Variants in CDH26 observed in about 807,000 individuals in gnomAD.
CDH26 encodes the protein cadherin-like protein 26.
CDH26 carries 83 observed loss-of-function variants against 90.3 expected under a neutral mutation model. That is an observed-to-expected ratio of 0.92 (90% confidence interval 0.77 to 1.10). The LOEUF (loss-of-function observed/expected upper bound fraction) is 1.10, where lower values mean the gene tolerates loss of function less well. Ranked by LOEUF, CDH26 falls within the 50% of genes least tolerant of loss-of-function variation. CDH26 has a pLI of 0.00. For synonymous variants in CDH26, 397 were observed against 396.3 expected (o/e 1.00, Z -0.02); for missense variants, 1,013 against 1,037.6 (o/e 0.98, Z 0.33).
At chr20:60,019,027 G>A (rs897674627), downstream of CDH26, among the ~76,000 whole-genome samples, 33 of 151,990 alleles carry the variant, frequency 2.2e-4, no homozygotes, top group Admixed American at 1.6e-3. Context: ...ACAGTACTTC[G>A]AATATATCAT....
In CDH26 at chr20:59,996,612, C is replaced by G; in HGVS notation, c.1889-19C>G. On this transcript the variant is annotated intron_variant, in intron 12 of 17. Transcript: ENST00000348616. ...GGGTGAGCTTGTCTAATCTGTTTTT[C>G]CCCTTTGTCTTATAACAGTGGCTCT... 2.5e-6 allele frequency: 4 copies of G among 1,614,186 alleles called. No individual in the cohort carries two copies. The highest frequency in any genetic ancestry group is 3.4e-6 in the Non-Finnish European group (4 of 1,180,040).
At chr20:60,005,783 C>A (rs2061740167) in intron 16 of CDH26, among the ~76,000 whole-genome samples, 1 of 152,146 alleles carries the variant, frequency 6.6e-6, no homozygotes, top group African/African-American at 2.4e-5. Context: ...CAGAACCCAG[C>A]CTAAGACAGA....
chr20:59,971,920 C>G (rs1265288872), intron 3 of CDH26, 42 bp from the exon 4 acceptor site: 2 of 1,546,480 alleles, frequency 1.3e-6, no homozygotes, highest in East Asian at 2.3e-5. Flanking sequence ...GTGGCTTATT[C>G]TCATCCTCCT....
At position 60,030,784 on chromosome 20, in the gene CDH26, A is replaced by G. The variant is rs1478205964; in HGVS notation, c.948-447A>G. ...GCTGAGAGGGAGTGGAGTGGGTTCT[A>G]ATGACATTGCTTAAGTCCTGCACCT... is the stretch of plus-strand genomic sequence containing the variant. On this transcript the variant is annotated intron_variant, in intron 7 of 8. Transcript: ENST00000370991. This position sits in a 1 kb window ranked among gnomAD's most constrained non-coding sequence, Gnocchi z 4.0. 6.6e-6 allele frequency among the ~76,000 whole-genome samples: 1 copy of G among 152,124 alleles called. No individual in the cohort carries two copies. Among genetic ancestry groups the G allele is most frequent in the East Asian group, 1.9e-4 (1 of 5,182 alleles).
chr20:59,991,571 G>A (rs2061528169), intron 9 of CDH26, among the ~76,000 whole-genome samples: 1 of 152,182 alleles, frequency 6.6e-6, no homozygotes, highest in Non-Finnish European at 1.5e-5. Flanking sequence ...GTGAAGCAGT[G>A]CACAAAAAGC....
At chr20:60,010,771 G>A (rs2061825786) in intron 17 of CDH26, among the ~76,000 whole-genome samples, 1 of 152,184 alleles carries the variant, frequency 6.6e-6, no homozygotes, top group Non-Finnish European at 1.5e-5. Context: ...GAAAGCCATG[G>A]CAACCCCAGA....
chr20:59,977,796 A>G (rs2145980001), intron 4 of CDH26, among the ~76,000 whole-genome samples: 1 of 152,124 alleles, frequency 6.6e-6, no homozygotes, highest in Non-Finnish European at 1.5e-5. Context: ...ACCAAAACCC[A>G]TAGTTTACAT....
intron 3 of CDH26, among the ~76,000 whole-genome samples, chr20:59,971,249 A>C (rs958534414): frequency 1.3e-5 from 2 of 152,214 alleles, no homozygotes; most frequent in Non-Finnish European, 1.5e-5. Flanking sequence ...AGTGGTTAAA[A>C]GTGTATATGC....
chr20:60,007,134 G>A (rs1003409620), intron 17 of CDH26, among the ~76,000 whole-genome samples: 2 of 152,174 alleles, frequency 1.3e-5, no homozygotes, highest in African/African-American at 2.4e-5. Flanking sequence ...ATTCCATCAT[G>A]AGGACTCTAC....
chr20:59,978,458 C>T (rs1484155884), intron 4 of CDH26, among the ~76,000 whole-genome samples: 4 of 151,794 alleles, frequency 2.6e-5, no homozygotes, highest in Admixed American at 6.6e-5. Flanking sequence ...TCACTGCAAC[C>T]TCTGCCTCCT....
At chr20:60,002,170 C>G (rs1408616695) in intron 15 of CDH26, among the ~76,000 whole-genome samples, 1 of 152,180 alleles carries the variant, frequency 6.6e-6, no homozygotes, top group African/African-American at 2.4e-5. Flanking sequence ...AAAATAAATT[C>G]AAGATCTCTA....
intron 7 of CDH26, among the ~76,000 whole-genome samples, chr20:60,026,390 TAGAGAGAGAGAGAG>T (rs60922926): frequency 2.4e-4 from 34 of 139,366 alleles, no homozygotes; most frequent in African/African-American, 8.7e-4. Flanking sequence ...TGGCTGGAGT[TAGAGAGAGAGAGAG>T]AGAGAGAGAG....
chr20:59,971,908 T>C (rs1443147033), intron 3 of CDH26, 54 bp from the exon 4 acceptor site: 2 of 1,429,902 alleles, frequency 1.4e-6, no homozygotes, highest in Admixed American at 1.9e-5. Context: ...TTGATTATCA[T>C]AGTGGCTTAT....
chr20:59,970,829 TAAA>T (rs2061252765), intron 3 of CDH26, among the ~76,000 whole-genome samples: 1 of 150,188 alleles, frequency 6.7e-6, no homozygotes, highest in African/African-American at 2.4e-5. Flanking sequence ...AATAAATAAA[TAAA>T]TAAATAAATA....
At chr20:59,966,040 A>G (rs866437602) in intron 1 of CDH26, among the ~76,000 whole-genome samples, 17 of 152,126 alleles carry the variant, frequency 1.1e-4, no homozygotes, top group Non-Finnish European at 2.1e-4. Context: ...ATATTGGCAG[A>G]CACAAGTTTT....
intron 7 of CDH26, among the ~76,000 whole-genome samples, chr20:60,023,170 A>C (rs1484544121): frequency 6.6e-6 from 1 of 152,246 alleles, no homozygotes; most frequent in Non-Finnish European, 1.5e-5. Flanking sequence ...AGTGTAGTGC[A>C]GGATAGAAGA....
chr20:59,972,152 C>A, intron 4 of CDH26, 29 bp downstream of exon 4: 1 of 1,600,826 alleles, frequency 6.2e-7, no homozygotes, highest in Non-Finnish European at 8.5e-7. Flanking sequence ...ATTCTAAGCT[C>A]GGATTTAAAA....
At chr20:59,978,476 A>G (rs1007623702) in intron 4 of CDH26, among the ~76,000 whole-genome samples, 5 of 151,754 alleles carry the variant, frequency 3.3e-5, no homozygotes, top group African/African-American at 1.2e-4. Context: ...CCTGGGTTCA[A>G]GTGATTCTTC....
chr20:59,986,997 T>G (rs1243986733), intron 7 of CDH26, among the ~76,000 whole-genome samples: 1 of 152,188 alleles, frequency 6.6e-6, no homozygotes, highest in Non-Finnish European at 1.5e-5. Flanking sequence ...AAACATTGCC[T>G]CCAAAAGTAT....
Sources: gnomAD v4.1 joint callset for allele counts (sites outside exome capture counted in the v4.1 genomes callset) on GRCh38, gnomAD v4.1.1 for gene constraint, Gnocchi (gnomAD v3.1) non-coding constraint, MANE v1.5 for transcripts, NCBI Gene and HGNC (gene_info 2026-07-23, HGNC 2026-07-21) for gene names.